The following MACF1 variants were observed in gnomAD, a reference collection of about 807,000 sequenced individuals.
The protein encoded by MACF1 is microtubule actin crosslinking factor 1.
Under a neutral mutation model 854.8 loss-of-function variants are expected in MACF1, and 193 were observed. The ratio of observed to expected loss-of-function variants is 0.23; its 90% CI spans 0.20 to 0.25. The LOEUF (loss-of-function observed/expected upper bound fraction) is 0.25. Among genes scored for constraint, MACF1 ranks in the 10% least tolerant of loss-of-function variants. The pLI is 1.00. For missense variants in MACF1, 7,722 were observed against 8,929.1 expected (o/e 0.86, Z 5.45); for synonymous variants, 3,185 against 3,226.7 (o/e 0.99, Z 0.44).
chr1:39,318,337 A>G, intron 29 of MACF1, 116 bp from the exon 30 acceptor site: 1 of 868,994 alleles, frequency 1.2e-6, no homozygotes, highest in African/African-American at 1.7e-5. Flanking sequence ...GTAGATAAAG[A>G]TGGATCGTTT....
At chr1:39,315,767 C>T in intron 27 of MACF1, 76 bp downstream of exon 27, 2 of 1,392,310 alleles carry the variant, frequency 1.4e-6, no homozygotes, top group Admixed American at 3.9e-5. Flanking sequence ...TAAAGTATTT[C>T]ATGAATAATA....
chr1:39,438,940 A>G (rs1180372), intron 71 of MACF1, among the ~76,000 whole-genome samples: 60,596 of 150,094 alleles, frequency 0.4, 14,188 homozygotes, highest in African/African-American at 0.66. Flanking sequence ...AAAATTAGCC[A>G]GGCATGGTGG....
Position 39,287,592 on chromosome 1 carries a change from A to AAGCTT in MACF1, c.1785+30_1785+31insAGCTT, listed in dbSNP as rs1645669677. The AAGCTT allele has an allele frequency of 8.7e-6, 14 of 1,610,440 alleles. No homozygotes were observed. In the East Asian group the frequency reaches 2.9e-4, roughly 33 times the overall value. ...GTGCATATCCAAAAGCTTATGCAGTACACTGATGTTTACTGGATCTGGAAG... is the reference window on the plus strand; with the variant it reads ...GTGCATATCCAAAAGCTTATGCAGTAAGCTTCACTGATGTTTACTGGATCTGGAAG... On this transcript the variant is annotated intron_variant, in intron 15 of 100. Coordinates refer to ENST00000564288, the MANE Select transcript of MACF1 (RefSeq NM_001394062.1).
At chr1:39,481,070 G>A (rs1203407023) in intron 99 of MACF1, 40 bp downstream of exon 99, 6 of 1,296,876 alleles carry the variant, frequency 4.6e-6, no homozygotes, top group East Asian at 2.5e-5. Flanking sequence ...CAGTCAAGAC[G>A]AGGCCCTCGC....
chr1:39,474,626 G>A (rs1193917107), intron 97 of MACF1, among the ~76,000 whole-genome samples: 1 of 151,900 alleles, frequency 6.6e-6, no homozygotes, highest in African/African-American at 2.4e-5. Context: ...CCGGGGAAGC[G>A]GAGGTTGTGG....
chr1:39,342,954 A>C (rs916234461), intron 40 of MACF1, among the ~76,000 whole-genome samples: 4 of 152,128 alleles, frequency 2.6e-5, no homozygotes, highest in Non-Finnish European at 5.9e-5. Flanking sequence ...GGCTATGGCT[A>C]TGTTCCAATA....
At chr1:39,432,433 T>C in intron 66 of MACF1, 102 bp from the exon 67 acceptor site, 2 of 979,078 alleles carry the variant, frequency 2.0e-6, no homozygotes, top group Non-Finnish European at 3.1e-6. Flanking sequence ...AGATATAAAC[T>C]GTATTACTGA....
chr1:39,485,614 A>T lies in MACF1; in HGVS notation c.22488A>T (p.Gly7496=). The T allele has an allele frequency of 1.2e-6, 2 of 1,614,092 alleles. No individual in the cohort carries two copies. The highest frequency in any genetic ancestry group is 1.7e-6 in the Non-Finnish European group (2 of 1,179,996). Residue 7496 remains glycine, a synonymous_variant, in exon 101 of 101, where the codon GGA becomes GGT. Transcript: ENST00000564288. ...RAGSRASSRR[G]SDASDFDLLE... Reference sequence around the variant, plus strand: ...GGAGTCGAGCCAGCAGCCGGCGAGGAAGTGACGCTTCTGACTTTGACCTCT... The same window carrying T: ...GGAGTCGAGCCAGCAGCCGGCGAGGTAGTGACGCTTCTGACTTTGACCTCT...
chr1:39,329,481 C>T (rs1164619935), intron 36 of MACF1, among the ~76,000 whole-genome samples: 1 of 152,190 alleles, frequency 6.6e-6, no homozygotes, highest in African/African-American at 2.4e-5. Flanking sequence ...AATGGATCAG[C>T]TCTTACAGAA....
intron 2 of MACF1, among the ~76,000 whole-genome samples, chr1:39,139,164 A>G (rs935164757): frequency 1.3e-5 from 2 of 152,172 alleles, no homozygotes; most frequent in Admixed American, 1.3e-4. Flanking sequence ...AACTACTAAA[A>G]CTAATTTTAA....
intron 58 of MACF1, 51 bp downstream of exon 58, chr1:39,388,709 G>A: frequency 2.0e-6 from 3 of 1,485,616 alleles, no homozygotes; most frequent in Non-Finnish European, 2.7e-6. Context: ...TTATTTGCTT[G>A]TAACTTGGAA....
intron 1 of MACF1, among the ~76,000 whole-genome samples, chr1:39,221,142 G>A (rs1571190044): frequency 6.6e-6 from 1 of 152,148 alleles, no homozygotes; most frequent in Non-Finnish European, 1.5e-5. Flanking sequence ...GTCATGCAGG[G>A]GAGAGTGAAA....
At position 39,409,630 on chromosome 1, in the gene MACF1, G is replaced by C. The variant is rs1419295619; in HGVS notation, c.15817-12744G>C. ...GCCACAACAATGCCATGATGTTTTG[G>C]AGACAGGAAGCCCCAAGCTGGCCCC... is the stretch of plus-strand genomic sequence containing the variant. On this transcript the variant is annotated intron_variant, in intron 58 of 100. Coordinates refer to ENST00000564288, the MANE Select transcript of MACF1 (RefSeq NM_001394062.1). This position sits in a 1 kb window ranked among gnomAD's most constrained non-coding sequence, Gnocchi z 4.2. 2 of 152,298 alleles carry C rather than the reference G, an allele frequency of 1.3e-5. No homozygotes were observed. Among genetic ancestry groups the C allele is most frequent in the Non-Finnish European group, 2.9e-5 (2 of 68,084 alleles). 9.4% of individuals were successfully genotyped at this position (152,298 alleles called of 1,614,324 possible). A position where few individuals can be genotyped will look rare whatever the true frequency, so the allele number is the denominator to read the frequency against.
chr1:39,374,971 G>T (rs1032196050), intron 52 of MACF1, among the ~76,000 whole-genome samples: 2 of 151,956 alleles, frequency 1.3e-5, no homozygotes, highest in African/African-American at 4.8e-5. Flanking sequence ...TTAGCCAGGT[G>T]TGGTGGCGGG....
At chr1:39,459,556 C>G (rs1418882385) in intron 91 of MACF1, among the ~76,000 whole-genome samples, 3 of 152,152 alleles carry the variant, frequency 2.0e-5, no homozygotes. Context: ...GAATCAGGAA[C>G]AGAACTTTGG....
chr1:39,410,909 A>G (rs769103883), intron 58 of MACF1: 1 of 1,614,020 alleles, frequency 6.2e-7, no homozygotes, highest in East Asian at 2.2e-5. Flanking sequence ...TTAAGTGGAG[A>G]CTGCCAGGAC....
At position 39,385,644 on chromosome 1, in the gene MACF1, C is replaced by G. The variant is rs1557623440; in HGVS notation, c.14059C>G (p.Gln4687Glu). The change falls in exon 57 of 101, where the codon CAG (glutamine) becomes GAG (glutamate). Residue 4687 changes from glutamine to glutamate, a missense_variant. Gln to Glu is a conservative substitution (Grantham distance 29). Around this residue, in one of 15 missense-constraint regions of MACF1, gnomAD observed 2,807 missense variants for 3,235.8 expected, o/e 0.87. Transcript: ENST00000564288. ...TGACCAAGCTATTGTTAAGAGCACCCAGTACCAGGAACTGCTCCAGGACTT... is the reference window on the plus strand; with the variant it reads ...TGACCAAGCTATTGTTAAGAGCACCGAGTACCAGGAACTGCTCCAGGACTT... ...QIDQAIVKST[Q>E]YQELLQDLSE... The G allele has an allele frequency of 6.2e-7, 1 of 1,614,112 alleles. No homozygotes were observed.
At chr1:39,099,650 G>A (rs1021034453) in intron 2 of MACF1, among the ~76,000 whole-genome samples, 2 of 152,176 alleles carry the variant, frequency 1.3e-5, no homozygotes, top group African/African-American at 4.8e-5. Context: ...TGGACATTGA[G>A]TTGGATTCTC....
intron 61 of MACF1, among the ~76,000 whole-genome samples, chr1:39,424,845 A>G (rs939820227): frequency 6.6e-6 from 1 of 152,240 alleles, no homozygotes; most frequent in Admixed American, 6.5e-5. Flanking sequence ...CCAGCTAATG[A>G]GAAATCAATA....
Sources: allele counts gnomAD v4.1 joint callset (sites outside exome capture counted in the v4.1 genomes callset), GRCh38; gene constraint gnomAD v4.1.1; regional missense constraint gnomAD v4.1.1; non-coding constraint Gnocchi (gnomAD v3.1); transcripts MANE v1.5; gene names NCBI Gene and HGNC (gene_info 2026-07-23, HGNC 2026-07-21).